Variants in LUZP2 observed in about 807,000 individuals in gnomAD.
The protein encoded by LUZP2 is leucine zipper protein 2.
A neutral mutation model predicts 51.6 loss-of-function variants in LUZP2; 52 were observed. The ratio of observed to expected loss-of-function variants is 1.01; its 90% confidence interval spans 0.81 to 1.27. LUZP2 has a LOEUF of 1.27. LUZP2 is among the 50% of genes most tolerant of loss of function. The probability of loss-of-function intolerance (pLI) is 0.00; values close to 1 mark genes in which losing one functional copy is unlikely to be tolerated. For synonymous variants in LUZP2, 154 were observed against 137.3 expected (o/e 1.12, Z -0.85); for missense variants, 436 against 395.4 (o/e 1.10, Z -0.87).
At chr11:24,683,828 A>T (rs1856819210) in intron 1 of LUZP2, among the ~76,000 whole-genome samples, 1 of 152,164 alleles carries the variant, frequency 6.6e-6, no homozygotes, top group African/African-American at 2.4e-5. Flanking sequence ...GATAAATCTC[A>T]GTTCATGCTG....
At chr11:24,933,990 C>T (rs1249718113) in intron 7 of LUZP2, among the ~76,000 whole-genome samples, 1 of 152,050 alleles carries the variant, frequency 6.6e-6, no homozygotes, top group Non-Finnish European at 1.5e-5. Context: ...TTACAATGTA[C>T]CTTCTCAAGG....
intron 5 of LUZP2, among the ~76,000 whole-genome samples, chr11:24,818,858 C>T (rs1420537133): frequency 6.6e-6 from 1 of 151,708 alleles, no homozygotes; most frequent in Non-Finnish European, 1.5e-5. Flanking sequence ...ACATAATGTC[C>T]ATCTTATCCA....
intron 6 of LUZP2, among the ~76,000 whole-genome samples, chr11:24,908,743 T>C (rs532594779): frequency 6.6e-5 from 10 of 151,356 alleles, no homozygotes; most frequent in Non-Finnish European, 1.0e-4. Context: ...GCTTTTTTTG[T>C]TGTTTGTTTT....
intron 10 of LUZP2, among the ~76,000 whole-genome samples, chr11:25,058,866 C>T (rs536937285): frequency 6.6e-6 from 1 of 152,128 alleles, no homozygotes; most frequent in Non-Finnish European, 1.5e-5. Flanking sequence ...AAATATTAAA[C>T]CAGCACTAAA....
chr11:24,960,040 G>A (rs200102662), intron 7 of LUZP2, among the ~76,000 whole-genome samples: 1 of 151,904 alleles, frequency 6.6e-6, no homozygotes, highest in African/African-American at 2.4e-5. Flanking sequence ...CTGTTGATAT[G>A]CTGGATTACA....
intron 1 of LUZP2, among the ~76,000 whole-genome samples, chr11:24,700,359 C>T (rs752412227): frequency 2.6e-5 from 4 of 152,218 alleles, no homozygotes; most frequent in Admixed American, 6.5e-5. Flanking sequence ...CCACCACGCC[C>T]GGCTTATTTT....
At chr11:24,988,856 C>T (rs1031345608) in intron 9 of LUZP2, among the ~76,000 whole-genome samples, 2 of 152,012 alleles carry the variant, frequency 1.3e-5, no homozygotes, top group African/African-American at 2.4e-5. Context: ...ATTCAAGAAG[C>T]TGGATATCGG....
At chr11:25,032,836 G>C (rs1857731325) in intron 9 of LUZP2, among the ~76,000 whole-genome samples, 1 of 152,138 alleles carries the variant, frequency 6.6e-6, no homozygotes, top group African/African-American at 2.4e-5. Flanking sequence ...AATTGTGATG[G>C]TGCTTATCTT....
At chr11:24,977,862 TTCTC>T (rs925687501) in intron 8 of LUZP2, among the ~76,000 whole-genome samples, 16 of 150,844 alleles carry the variant, frequency 1.1e-4, no homozygotes, top group Admixed American at 3.3e-4. Context: ...TTTATTATGT[TTCTC>T]TCTATCTGCT....
chr11:24,675,039 C>T (rs558019156), intron 1 of LUZP2, among the ~76,000 whole-genome samples: 7 of 152,256 alleles, frequency 4.6e-5, no homozygotes, highest in African/African-American at 9.6e-5. Flanking sequence ...GGCAGTTAGC[C>T]AATCTTTTGA....
chr11:24,982,400 CAT>C (rs1351678352), intron 8 of LUZP2, among the ~76,000 whole-genome samples: 1 of 151,784 alleles, frequency 6.6e-6, no homozygotes, highest in Non-Finnish European at 1.5e-5. Context: ...ATATGTGACA[CAT>C]ATACACCATG....
chr11:24,662,571 A>G (rs1474219475), intron 1 of LUZP2, among the ~76,000 whole-genome samples: 1 of 152,130 alleles, frequency 6.6e-6, no homozygotes, highest in Non-Finnish European at 1.5e-5. Flanking sequence ...AGAAAAACAG[A>G]TAATGAGGAC....
chr11:24,848,165 A>AT (rs139513429), intron 5 of LUZP2, among the ~76,000 whole-genome samples: 3 of 150,834 alleles, frequency 2.0e-5, no homozygotes, highest in African/African-American at 4.9e-5. Flanking sequence ...ATGATATGAT[A>AT]GATATGTTAT....
At chr11:24,663,765 A>G (rs1415463214) in intron 1 of LUZP2, among the ~76,000 whole-genome samples, 1 of 152,078 alleles carries the variant, frequency 6.6e-6, no homozygotes, top group East Asian at 1.9e-4. Flanking sequence ...AGTTTCTCCT[A>G]TGCTATTCTC....
At chr11:24,866,828 G>GA (rs1851913456) in intron 5 of LUZP2, among the ~76,000 whole-genome samples, 1 of 152,066 alleles carries the variant, frequency 6.6e-6, no homozygotes, top group South Asian at 2.1e-4. Flanking sequence ...GGAGGAAGTG[G>GA]AAAAAATGTA....
At chr11:24,764,489 C>CAAAAAAAAAAAAAAAAAAAAAAAAAAAAA (rs1565124723) in intron 5 of LUZP2, among the ~76,000 whole-genome samples, 2 of 56,418 alleles carry the variant, frequency 3.5e-5, no homozygotes, top group Non-Finnish European at 7.1e-5. Context: ...AATCTCATCT[C>CAAAAAAAAAAAAAAAAAAAAAAAAAAAAA]TAAAAAAAAA....
At chr11:24,615,978 T>C (rs576238911) in intron 1 of LUZP2, among the ~76,000 whole-genome samples, 15 of 151,920 alleles carry the variant, frequency 9.9e-5, no homozygotes, top group South Asian at 6.2e-4. Context: ...AGTGTCTTTT[T>C]GGGTCTTTCT....
At chr11:24,855,092 G>A (rs2631444) in intron 5 of LUZP2, among the ~76,000 whole-genome samples, 23,069 of 152,034 alleles carry the variant, frequency 0.15, 1,905 homozygotes, top group African/African-American at 0.2. Flanking sequence ...TTCCGTTCTC[G>A]CCACTTTTAT....
chr11:24,667,717 A>T (rs912353719), intron 1 of LUZP2, among the ~76,000 whole-genome samples: 4 of 152,324 alleles, frequency 2.6e-5, no homozygotes, highest in Admixed American at 2.6e-4. Flanking sequence ...AAATAGGCTT[A>T]GTCAAAAATA....
Sources: allele counts gnomAD v4.1 joint callset (sites outside exome capture counted in the v4.1 genomes callset), GRCh38; gene constraint gnomAD v4.1.1; transcripts MANE v1.5; gene names NCBI Gene and HGNC (gene_info 2026-07-23, HGNC 2026-07-21).